Variants in ZNF316 observed in about 807,000 individuals in gnomAD.
ZNF316 encodes zinc finger protein 316.
In ZNF316, 23 loss-of-function variants were observed where a neutral mutation model predicts 75.6. The observed-to-expected ratio is 0.30, with a 90% CI of 0.22 to 0.43. The LOEUF (loss-of-function observed/expected upper bound fraction) is 0.43, where lower values mean the gene tolerates loss of function less well. Ranked by LOEUF, ZNF316 falls within the 20% of genes least tolerant of loss-of-function variation. ZNF316 has a pLI of 1.00. For synonymous variants in ZNF316, 827 were observed against 666.2 expected (o/e 1.24, Z -3.72); for missense variants, 1,266 against 1,409.4 (o/e 0.90, Z 1.63).
rs1369777349 is a variant in ZNF316 at position 6,653,006 on chromosome 7, G to C, written c.1410G>C (p.Ser470=). 1.6e-6 allele frequency: 2 copies of C among 1,229,324 alleles called. No individual in the cohort carries two copies. Among genetic ancestry groups the C allele is most frequent in the Non-Finnish European group, 2.0e-6 (2 of 985,488 alleles). 76.2% of individuals were successfully genotyped at this position (1,229,324 alleles called of 1,614,324 possible). ...GCGGCCGCAGCTTCAGCCAGAGCTC[G>C]GCGCTGGCACGGCACCAGGCGGTGC... The part of the protein sequence containing the change: ...SHCGRSFSQS[S]ALARHQAVHT... The change falls in exon 9 of 9, where the codon TCG becomes TCC. Residue 470 remains serine (S), a synonymous_variant. Transcript: ENST00000382252.
In ZNF316 at chr7:6,640,542, A is replaced by AC. The variant is rs1779294585; in HGVS notation, c.-166-1278dup. ...ATGGCCCAAGATTCAGGAGGGACCC[A>AC]CCCCCATGATCCAGTCACCTCCCAC... On this transcript the variant is annotated intron_variant, in intron 3 of 8. Transcript: ENST00000382252. The surrounding 1 kb of genome is among the most constrained non-coding windows in gnomAD (Gnocchi z 5.1). 6.6e-6 allele frequency among the ~76,000 whole-genome samples: 1 copy of AC among 152,086 alleles called. No homozygotes were observed. Among genetic ancestry groups the AC allele is most frequent in the Non-Finnish European group, 1.5e-5 (1 of 67,992 alleles).
chr7:6,653,737 C>G lies in ZNF316; in HGVS notation c.2141C>G (p.Ala714Gly). ...CTGGCCAAGCACCAGCGCTACCACG[C>G]GGGCGAGCGGCCGCATCGCTGCGCC... is the stretch of plus-strand genomic sequence containing the variant. ...AALAKHQRYH[A>G]GERPHRCADC... Residue 714 changes from alanine to glycine, a missense_variant, in exon 9 of 9, where the codon GCG becomes GGG. Coordinates refer to ENST00000382252, the MANE Select transcript of ZNF316 (RefSeq NM_001278559.2). 1 of 1,098,402 alleles carries G rather than the reference C, an allele frequency of 9.1e-7. No individual in the cohort carries two copies. The highest frequency in any genetic ancestry group is 1.1e-6 in the Non-Finnish European group (1 of 901,022). 68.0% of individuals were successfully genotyped at this position (1,098,402 alleles called of 1,614,324 possible). A position where few individuals can be genotyped will look rare whatever the true frequency, so the allele number is the denominator to read the frequency against.
Position 6,652,535 on chromosome 7 carries a change from G to A in ZNF316, c.939G>A (p.Ala313=). ...GGGTCCTGGCCGACGGCTCTGAAGC[G>A]AAGCCTTTCCTGCCCGGCCGGGAGC... ...GLGVLADGSE[A]KPFLPGREPG... Residue 313 remains alanine (A), a synonymous_variant, in exon 9 of 9, where the codon GCG becomes GCA. Transcript: ENST00000382252. The A allele has an allele frequency of 2.4e-6, 3 of 1,231,190 alleles. No homozygotes were observed. Among genetic ancestry groups the A allele is most frequent in the African/African-American group, 1.6e-5 (1 of 64,498 alleles). The allele number at this position is 1,231,190 out of a possible 1,614,324, so 76.3% of individuals were successfully genotyped here.
chr7:6,643,878 G>T lies in ZNF316; in HGVS notation c.522G>T (p.Arg174Ser). The change falls in exon 7 of 9, where the codon AGG (arginine) becomes AGT (serine). Residue 174 changes from arginine (R) to serine (S), a missense_variant. By Grantham distance (110) the Arg-to-Ser change is moderately radical (BLOSUM62 -1). This residue lies in a region of ZNF316 where 961 missense variants were observed against 990.9 expected (regional missense o/e 0.97). Coordinates refer to ENST00000382252, the MANE Select transcript of ZNF316 (RefSeq NM_001278559.2). ...ACTTCTCCCTGGAGGAGTGGGAAAGGCTGGAAGCAGACCAGCGGGGCCTCT... is the reference window on the plus strand; with the variant it reads ...ACTTCTCCCTGGAGGAGTGGGAAAGTCTGGAAGCAGACCAGCGGGGCCTCT... ...AVYFSLEEWE[R>S]LEADQRGLYQ... is the part of the protein sequence containing the mutation. 8.1e-7 allele frequency: 1 copy of T among 1,237,654 alleles called. No individual in the cohort carries two copies. The highest frequency in any genetic ancestry group is 1.0e-6 in the Non-Finnish European group (1 of 991,596). The allele number at this position is 1,237,654 out of a possible 1,614,324, so 76.7% of individuals were successfully genotyped here.
chr7:6,644,428 C>T, intron 7 of ZNF316, 52 bp from the exon 8 acceptor site: 1 of 1,022,806 alleles, frequency 9.8e-7, no homozygotes, highest in South Asian at 5.0e-5. Context: ...GGCTGCAGGG[C>T]AGGGGAGGGC....
Position 6,642,505 on chromosome 7 carries a change from G to A in ZNF316, c.96G>A (p.Glu32=). 8.1e-7 allele frequency: 1 copy of A among 1,234,226 alleles called. No homozygotes were observed. Among genetic ancestry groups the A allele is most frequent in the African/African-American group, 1.5e-5 (1 of 64,596 alleles). The allele number at this position is 1,234,226 out of a possible 1,614,324, so 76.5% of individuals were successfully genotyped here. A position where few individuals can be genotyped will look rare whatever the true frequency, so the allele number is the denominator to read the frequency against. ...GCGACCCTGACCAGGAAGAAGAGGAGGAGGAGGAGGAAAAGGGGGAAGAGG... is the reference window on the plus strand; with the variant it reads ...GCGACCCTGACCAGGAAGAAGAGGAAGAGGAGGAGGAAAAGGGGGAAGAGG... ...SECDPDQEEE[E]EEEEKGEEVQ... is the part of the protein sequence containing the mutation. The change falls in exon 5 of 9, where the codon GAG becomes GAA. Residue 32 remains glutamate, a synonymous_variant. Coordinates refer to ENST00000382252, the MANE Select transcript of ZNF316 (RefSeq NM_001278559.2). This position sits in a 1 kb window ranked among gnomAD's most constrained non-coding sequence, Gnocchi z 8.1.
chr7:6,637,554 G>T lies in ZNF316; in HGVS notation c.-431+107G>T. On this transcript the variant is annotated intron_variant, in intron 1 of 8. Coordinates refer to ENST00000382252, the MANE Select transcript of ZNF316 (RefSeq NM_001278559.2). The surrounding 1 kb of genome is among the most constrained non-coding windows in gnomAD (Gnocchi z 6.2). ...CGGCGGCGGGGCCGGGCTGGCCCTC[G>T]ACGCCCGGCGCGGGGAGGCCGCGGG... 6.8e-6 allele frequency: 1 copy of T among 147,404 alleles called. No homozygotes were observed. Among genetic ancestry groups the T allele is most frequent in the South Asian group, 1.8e-4 (1 of 5,562 alleles). 9.1% of individuals were successfully genotyped at this position (147,404 alleles called of 1,614,324 possible).
At position 6,654,307 on chromosome 7, in the gene ZNF316, C is replaced by T; in HGVS notation, c.2711C>T (p.Thr904Met). 1 of 1,223,062 alleles carries T rather than the reference C, an allele frequency of 8.2e-7. No homozygotes were observed. The highest frequency in any genetic ancestry group is 1.0e-6 in the Non-Finnish European group (1 of 982,026). 75.8% of individuals were successfully genotyped at this position (1,223,062 alleles called of 1,614,324 possible). A position where few individuals can be genotyped will look rare whatever the true frequency, so the allele number is the denominator to read the frequency against. The stretch of plus-strand genomic sequence containing the variant: ...TTTTCGCAGCGCTCGGTGCTGGTCA[C>T]GCACCAGCGCACACATACGGGCGAG... The part of the protein sequence containing the change: ...KRFSQRSVLV[T>M]HQRTHTGERP... Residue 904 changes from threonine to methionine, a missense_variant, in exon 9 of 9, where the codon ACG (threonine) becomes ATG (methionine). Thr to Met is a moderately conservative substitution (Grantham distance 81). Coordinates refer to ENST00000382252, the MANE Select transcript of ZNF316 (RefSeq NM_001278559.2).
intron 8 of ZNF316, among the ~76,000 whole-genome samples, chr7:6,647,320 C>T (rs781079486): frequency 8.5e-5 from 13 of 152,256 alleles, no homozygotes; most frequent in Admixed American, 2.6e-4. Context: ...GCAGAAGCTG[C>T]GCCCGAGAGC....
intron 8 of ZNF316, among the ~76,000 whole-genome samples, chr7:6,645,441 T>G (rs998952363): frequency 1.3e-5 from 2 of 152,020 alleles, no homozygotes; most frequent in Admixed American, 6.6e-5. Context: ...CCCAGCACTT[T>G]GGGAGGCTGA....
At position 6,642,932 on chromosome 7, in the gene ZNF316, G is replaced by A; in HGVS notation, c.356-32G>A. Reference sequence around the variant, plus strand: ...CTGGCCCTGCAGGCTGGGGGCTCAGGGCAGCTGGCCCTAAGAGATCTCTCC... The same window carrying A: ...CTGGCCCTGCAGGCTGGGGGCTCAGAGCAGCTGGCCCTAAGAGATCTCTCC... On this transcript the variant is annotated intron_variant, in intron 5 of 8. Transcript: ENST00000382252. The surrounding 1 kb of genome is among the most constrained non-coding windows in gnomAD (Gnocchi z 8.1). 1 of 1,232,388 alleles carries A rather than the reference G, an allele frequency of 8.1e-7. No homozygotes were observed. Among genetic ancestry groups the A allele is most frequent in the Non-Finnish European group, 1.0e-6 (1 of 988,226 alleles). 76.3% of individuals were successfully genotyped at this position (1,232,388 alleles called of 1,614,324 possible).
intron 8 of ZNF316, among the ~76,000 whole-genome samples, chr7:6,650,509 G>A (rs1000344458): frequency 2.0e-5 from 3 of 152,044 alleles, no homozygotes; most frequent in Admixed American, 6.5e-5. Flanking sequence ...GTTTTCCTGC[G>A]GCTCTAGGTC....
rs552351424 is a variant in ZNF316 at position 6,643,080 on chromosome 7, C to T, written c.465+7C>T. 3.3e-4 allele frequency: 407 copies of T among 1,234,430 alleles called. 4 individuals carry two copies. In the African/African-American group the frequency reaches 5.5e-3, roughly 17 times the overall value. The allele number at this position is 1,234,430 out of a possible 1,614,324, so 76.5% of individuals were successfully genotyped here. ...GCTGACGGCTGGGTGTCAGGTGAGCCGCCCTCTCCGTTTGGGGCTTGGGTA... is the reference window on the plus strand; with the variant it reads ...GCTGACGGCTGGGTGTCAGGTGAGCTGCCCTCTCCGTTTGGGGCTTGGGTA... On this transcript the variant is annotated splice_region_variant and intron_variant, in intron 6 of 8. Coordinates refer to ENST00000382252, the MANE Select transcript of ZNF316 (RefSeq NM_001278559.2).
In ZNF316 at chr7:6,642,295, C is replaced by T. The variant is rs887981133; in HGVS notation, c.-28-87C>T. The T allele has an allele frequency of 1.4e-5, 8 of 581,844 alleles. No homozygotes were observed. The highest frequency in any genetic ancestry group is 1.9e-5 in the African/African-American group (1 of 51,964). 36.0% of individuals were successfully genotyped at this position (581,844 alleles called of 1,614,324 possible). A position where few individuals can be genotyped will look rare whatever the true frequency, so the allele number is the denominator to read the frequency against. The stretch of plus-strand genomic sequence containing the variant: ...CAGGAGGAGTAAATCCTGCTCCCTG[C>T]GCCCCCGCCAGGCTGCGGGAGACCC... On this transcript the variant is annotated intron_variant, in intron 4 of 8. Transcript: ENST00000382252. This position sits in a 1 kb window ranked among gnomAD's most constrained non-coding sequence, Gnocchi z 8.1.
chr7:6,652,647 G>A lies in ZNF316; in HGVS notation c.1051G>A (p.Gly351Ser), dbSNP rs1447005999. The change falls in exon 9 of 9, where the codon GGC becomes AGC. Residue 351 changes from glycine (G) to serine (S), a missense_variant. Physicochemically the swap from Gly to Ser is moderately conservative, Grantham distance 56. Transcript: ENST00000382252. ...GCCGGAGACCACGTGCGACGTGTGCGGCAAGGTCTTCCCGCACCGCTCGCG... is the reference window on the plus strand; with the variant it reads ...GCCGGAGACCACGTGCGACGTGTGCAGCAAGGTCTTCCCGCACCGCTCGCG... ...GRPETTCDVC[G>S]KVFPHRSRLA... The A allele has an allele frequency of 3.2e-6, 4 of 1,231,002 alleles. No individual in the cohort carries two copies. The highest frequency in any genetic ancestry group is 8.2e-5 in the South Asian group (2 of 24,498). 76.3% of individuals were successfully genotyped at this position (1,231,002 alleles called of 1,614,324 possible).
At position 6,655,797 on chromosome 7, in the gene ZNF316, A is replaced by T. The variant is rs926509191; in HGVS notation, c.*1186A>T. On this transcript the variant is annotated 3_prime_UTR_variant, in exon 9 of 9. Transcript: ENST00000382252. ...GGCTGTCCACCTCGGGGGGGTGTGG[A>T]CCTGAGCCGTGGCTCAGTGACAAAC... is the stretch of plus-strand genomic sequence containing the variant. 2 of 151,972 alleles carry T rather than the reference A, an allele frequency of 1.3e-5. No homozygotes were observed. Among genetic ancestry groups the T allele is most frequent in the Non-Finnish European group, 2.9e-5 (2 of 68,054 alleles). The allele number at this position is 151,972 out of a possible 1,614,324, so 9.4% of individuals were successfully genotyped here.
At position 6,652,479 on chromosome 7, in the gene ZNF316, G is replaced by C. The variant is rs1353618506; in HGVS notation, c.883G>C (p.Glu295Gln). 1.6e-6 allele frequency: 2 copies of C among 1,231,666 alleles called. No individual in the cohort carries two copies. The highest frequency in any genetic ancestry group is 8.4e-5 in the Admixed American group (2 of 23,716). 76.3% of individuals were successfully genotyped at this position (1,231,666 alleles called of 1,614,324 possible). A position where few individuals can be genotyped will look rare whatever the true frequency, so the allele number is the denominator to read the frequency against. The change falls in exon 9 of 9, where the codon GAG becomes CAG. Residue 295 changes from glutamate to glutamine, a missense_variant. Glu to Gln is a conservative substitution (Grantham distance 29, BLOSUM62 2). Around this residue, in one of 3 missense-constraint regions of ZNF316, gnomAD observed 961 missense variants for 990.9 expected, o/e 0.97. Coordinates refer to ENST00000382252, the MANE Select transcript of ZNF316 (RefSeq NM_001278559.2). ...PDDSDSAQTP[E>Q]GWGPDPGGLG... is the part of the protein sequence containing the mutation. ...CGACTCGGATTCGGCGCAGACTCCA[G>C]AGGGGTGGGGACCCGACCCAGGCGG...
chr7:6,654,594 C>G lies in ZNF316; in HGVS notation c.2998C>G (p.Arg1000Gly). Residue 1000 changes from arginine (R) to glycine (G), a missense_variant, in exon 9 of 9, where the codon CGG becomes GGG. Coordinates refer to ENST00000382252, the MANE Select transcript of ZNF316 (RefSeq NM_001278559.2). ...AAFAGPSGAY[R>G]EGVL ...GTTCGCCGGGCCCTCGGGCGCCTAC[C>G]GGGAGGGCGTCCTGTGAGGGGCCCG... The G allele has an allele frequency of 1.7e-6, 2 of 1,186,256 alleles. No individual in the cohort carries two copies. Among genetic ancestry groups the G allele is most frequent in the South Asian group, 8.4e-5 (2 of 23,938 alleles). The allele number at this position is 1,186,256 out of a possible 1,614,324, so 73.5% of individuals were successfully genotyped here.
Position 6,657,828 on chromosome 7 carries a change from C to A in ZNF316, c.*3217C>A, listed in dbSNP as rs1254185167. On this transcript the variant is annotated 3_prime_UTR_variant, in exon 9 of 9. Coordinates refer to ENST00000382252, the MANE Select transcript of ZNF316 (RefSeq NM_001278559.2). ...TGGGTGACAGAACAAGACCCTATCTCACCAAAAAAAAAAAAAAAAAAAAAA... is the reference window on the plus strand; with the variant it reads ...TGGGTGACAGAACAAGACCCTATCTAACCAAAAAAAAAAAAAAAAAAAAAA... Among the ~76,000 whole-genome samples, 1 of 81,300 alleles carries A rather than the reference C, an allele frequency of 1.2e-5. No homozygotes were observed. Among genetic ancestry groups the A allele is most frequent in the Non-Finnish European group, 2.2e-5 (1 of 45,442 alleles). 53.3% of individuals were successfully genotyped at this position (81,300 alleles called of 152,430 possible). A position where few individuals can be genotyped will look rare whatever the true frequency, so the allele number is the denominator to read the frequency against.
Sources: allele counts gnomAD v4.1 joint callset (sites outside exome capture counted in the v4.1 genomes callset), GRCh38; gene constraint gnomAD v4.1.1; regional missense constraint gnomAD v4.1.1; non-coding constraint Gnocchi (gnomAD v3.1); transcripts MANE v1.5; gene names NCBI Gene and HGNC (gene_info 2026-07-23, HGNC 2026-07-21).